The following MROH2A variants were observed in gnomAD, a reference collection of about 807,000 sequenced individuals.
MROH2A encodes the protein maestro heat like repeat family member 2A.
In MROH2A, 174 loss-of-function variants were observed where a neutral mutation model predicts 200.4. That is an observed-to-expected ratio of 0.87 (90% CI 0.77 to 0.98). MROH2A has a LOEUF of 0.98. MROH2A is among the 50% of genes least tolerant of loss of function. The pLI, the probability that MROH2A is intolerant of heterozygous loss-of-function variation, is 0.00. For synonymous variants in MROH2A, 829 were observed against 840.4 expected (o/e 0.99, Z 0.23); for missense variants, 2,045 against 2,139.6 (o/e 0.96, Z 0.87).
chr2:233,832,159 A>T lies in MROH2A; in HGVS notation c.4735-18A>T, dbSNP rs1704805659. ...GGTCTCATCCTCCAAAGCTGTGTGT[A>T]TCACTTACTTTTTGCAGACTCGGAA... On this transcript the variant is annotated intron_variant, in intron 39 of 41. Transcript: ENST00000389758. 10 of 1,360,264 alleles carry T rather than the reference A, an allele frequency of 7.4e-6. No individual in the cohort carries two copies. Among genetic ancestry groups the T allele is most frequent in the African/African-American group, 1.6e-5 (1 of 64,018 alleles). 84.3% of individuals were successfully genotyped at this position (1,360,264 alleles called of 1,614,324 possible). A position where few individuals can be genotyped will look rare whatever the true frequency, so the allele number is the denominator to read the frequency against.
At chr2:233,796,404 T>C in intron 11 of MROH2A, 91 bp downstream of exon 11, 1 of 829,390 alleles carries the variant, frequency 1.2e-6, no homozygotes, top group South Asian at 1.7e-5. Flanking sequence ...TGTTCGGGCA[T>C]TGCCACTTCC....
chr2:233,833,113 C>T, intron 41 of MROH2A, 25 bp from the exon 42 acceptor site: 2 of 1,525,374 alleles, frequency 1.3e-6, no homozygotes, highest in Non-Finnish European at 1.8e-6. Context: ...GGGCCTGAAC[C>T]TTCCCTCTTT....
chr2:233,831,234 G>A (rs899407915), intron 38 of MROH2A, among the ~76,000 whole-genome samples, 175 bp from the exon 39 acceptor site: 8 of 152,258 alleles, frequency 5.3e-5, no homozygotes, highest in African/African-American at 1.4e-4. Context: ...CTGCAGCCAT[G>A]TTCAAGCTGG....
chr2:233,830,082 G>A (rs1397049333), intron 38 of MROH2A, among the ~76,000 whole-genome samples: 2 of 152,178 alleles, frequency 1.3e-5, no homozygotes, highest in African/African-American at 4.8e-5. Context: ...AGCAGATTCT[G>A]TAACTGGCAG....
At position 233,822,390 on chromosome 2, in the gene MROH2A, C is replaced by T. The variant is rs1704003697; in HGVS notation, c.3700C>T (p.Gln1234Ter). 2 of 1,550,972 alleles carry T rather than the reference C, an allele frequency of 1.3e-6. No individual in the cohort carries two copies. Among genetic ancestry groups the T allele is most frequent in the African/African-American group, 1.4e-5 (1 of 73,044 alleles). ...CCTGTGCACCATCCACCTTCTCATTCAGAAGCTGGATGAGAATGACAAGCT... is the reference window on the plus strand; with the variant it reads ...CCTGTGCACCATCCACCTTCTCATTTAGAAGCTGGATGAGAATGACAAGCT... ...MTLCTIHLLI[Q>*]KLDENDKLPD... Residue 1234 changes from glutamine to a stop codon, truncating the protein, a stop_gained, in exon 33 of 42, where the codon CAG becomes TAG. Transcript: ENST00000389758. LOFTEE classifies it high-confidence loss of function.
chr2:233,796,578 CT>C (rs1355120298), intron 11 of MROH2A, among the ~76,000 whole-genome samples: 3 of 152,080 alleles, frequency 2.0e-5, no homozygotes, highest in African/African-American at 7.3e-5. Flanking sequence ...CAATCAGAGG[CT>C]GGATATAAGG....
intron 7 of MROH2A, among the ~76,000 whole-genome samples, 185 bp from the exon 8 acceptor site, chr2:233,794,178 G>T (rs1216846173): frequency 6.6e-6 from 1 of 152,216 alleles, no homozygotes; most frequent in East Asian, 1.9e-4. Context: ...TTAAGTACCT[G>T]CTCAAGGTCA....
intron 8 of MROH2A, 108 bp from the exon 9 acceptor site, chr2:233,795,545 G>C: frequency 6.6e-7 from 1 of 1,508,214 alleles, no homozygotes; most frequent in Non-Finnish European, 9.0e-7. Context: ...TCAGCTCCCA[G>C]GGAATGCTGG....
intron 5 of MROH2A, among the ~76,000 whole-genome samples, chr2:233,792,236 C>T (rs1165753183): frequency 6.6e-6 from 1 of 152,010 alleles, no homozygotes; most frequent in Non-Finnish European, 1.5e-5. Flanking sequence ...ACCTCCTCTT[C>T]CTTCTCCTGG....
chr2:233,825,679 G>A (rs993727553), intron 35 of MROH2A, among the ~76,000 whole-genome samples: 1 of 152,132 alleles, frequency 6.6e-6, no homozygotes, highest in Non-Finnish European at 1.5e-5. Context: ...CTTGATCGTG[G>A]TGGATGAGCT....
At chr2:233,804,896 C>T (rs1040292631) in intron 18 of MROH2A, 108 bp from the exon 19 acceptor site, 10 of 625,218 alleles carry the variant, frequency 1.6e-5, no homozygotes, top group Middle Eastern at 4.2e-4. Flanking sequence ...GCAAGGGAAG[C>T]GAGAGAGGGC....
Position 233,833,143 on chromosome 2 carries a change from C to T in MROH2A, c.4909C>T (p.Gln1637Ter). Reference protein sequence around the residue: ...LDFPALRNSLQELQLDPDPGV... With the variant: ...LDFPALRNSL Reference sequence around the variant, plus strand: ...CTCTTTGTGTTCTCTCTCAGCCCTCCAGGAACTACAGCTGGACCCGGATCC... The same window carrying T: ...CTCTTTGTGTTCTCTCTCAGCCCTCTAGGAACTACAGCTGGACCCGGATCC... The change falls in exon 42 of 42, where the codon CAG becomes TAG. Residue 1637 changes from glutamine (Q) to a stop codon, truncating the protein, a stop_gained. Transcript: ENST00000389758. LOFTEE classifies it high-confidence loss of function. 1.9e-6 allele frequency: 3 copies of T among 1,545,538 alleles called. No homozygotes were observed. Among genetic ancestry groups the T allele is most frequent in the Non-Finnish European group, 1.7e-6 (2 of 1,145,054 alleles).
intron 13 of MROH2A, 76 bp from the exon 14 acceptor site, chr2:233,800,129 G>A: frequency 1.7e-6 from 2 of 1,164,432 alleles, no homozygotes; most frequent in Non-Finnish European, 1.2e-6. Context: ...CCCCTGGGGA[G>A]TGAGGAGACC....
chr2:233,801,510 T>G (rs1702471183), intron 14 of MROH2A, among the ~76,000 whole-genome samples: 1 of 152,126 alleles, frequency 6.6e-6, no homozygotes, highest in Non-Finnish European at 1.5e-5. Context: ...CATGCAGTTG[T>G]GGGGGCTGGC....
intron 3 of MROH2A, among the ~76,000 whole-genome samples, chr2:233,784,540 G>A (rs1355117264): frequency 2.0e-5 from 3 of 152,156 alleles, no homozygotes; most frequent in Non-Finnish European, 4.4e-5. Context: ...GTGAGGCCTG[G>A]AGGGAGGTGT....
At chr2:233,786,095 A>G (rs1228050282) in intron 3 of MROH2A, among the ~76,000 whole-genome samples, 1 of 152,154 alleles carries the variant, frequency 6.6e-6, no homozygotes, top group East Asian at 1.9e-4. Flanking sequence ...TGATGGTTTT[A>G]TAAGGGGTTT....
In MROH2A at chr2:233,793,818, C is replaced by T. The variant is rs897736745; in HGVS notation, c.816C>T (p.Asn272=). 7.1e-7 allele frequency: 1 copy of T among 1,416,618 alleles called. No homozygotes were observed. The highest frequency in any genetic ancestry group is 1.7e-5 in the South Asian group (1 of 59,688). 87.8% of individuals were successfully genotyped at this position (1,416,618 alleles called of 1,614,324 possible). ...YFVTVWLRHY[N]PEVKLGVIKS... ...TGACAGTGTGGCTGAGGCACTACAA[C>T]CCCGAGGTGAGATGCACCCCTCTTA... Residue 272 remains asparagine (N), a synonymous_variant, in exon 7 of 42, where the codon AAC becomes AAT. Transcript: ENST00000389758.
At chr2:233,800,946 T>C (rs1049740278) in intron 14 of MROH2A, among the ~76,000 whole-genome samples, 1 of 152,198 alleles carries the variant, frequency 6.6e-6, no homozygotes, top group Non-Finnish European at 1.5e-5. Context: ...CTTTTTTTAA[T>C]TGCAGAAATA....
At chr2:233,812,673 C>A (rs1373827087) in intron 24 of MROH2A, among the ~76,000 whole-genome samples, 1 of 151,978 alleles carries the variant, frequency 6.6e-6, no homozygotes, top group African/African-American at 2.4e-5. Flanking sequence ...ATAAGACAGA[C>A]ACATACAAAC....
Sources: gnomAD v4.1 joint callset for allele counts (sites outside exome capture counted in the v4.1 genomes callset) on GRCh38, gnomAD v4.1.1 for gene constraint, MANE v1.5 for transcripts, NCBI Gene and HGNC (gene_info 2026-07-23, HGNC 2026-07-21) for gene names.